SNTG2: variants seen among roughly 807,000 people sequenced by gnomAD.
SNTG2 encodes the protein gamma-2-syntrophin.
Under a neutral mutation model 70.9 loss-of-function variants are expected in SNTG2, and 74 were observed. The ratio of observed to expected loss-of-function variants is 1.04; its 90% confidence interval spans 0.86 to 1.27. SNTG2 has a LOEUF of 1.27. SNTG2 is among the 50% of genes most tolerant of loss of function. SNTG2 has a pLI of 0.00. For missense variants in SNTG2, 717 were observed against 690.7 expected, an observed-to-expected ratio of 1.04 and a Z score of -0.43; for synonymous variants, 278 against 273.8, an observed-to-expected ratio of 1.02 and a Z score of -0.15.
At chr2:1,302,429 A>G (rs1157962704) in intron 14 of SNTG2, among the ~76,000 whole-genome samples, 3 of 152,082 alleles carry the variant, frequency 2.0e-5, no homozygotes, top group Admixed American at 6.5e-5. Flanking sequence ...TCATGGAGGA[A>G]GGACCACTGT....
At chr2:1,248,873 CAG>C (rs1404166275) in intron 12 of SNTG2, among the ~76,000 whole-genome samples, 21 of 152,184 alleles carry the variant, frequency 1.4e-4, no homozygotes, top group Admixed American at 1.0e-3. Flanking sequence ...TTATGGAACT[CAG>C]GGATTCTTCA....
intron 14 of SNTG2, among the ~76,000 whole-genome samples, chr2:1,289,854 C>T (rs1178462439): frequency 6.6e-6 from 1 of 152,194 alleles, no homozygotes; most frequent in Non-Finnish European, 1.5e-5. Context: ...AATCTGAGGA[C>T]TGCAGATATT....
chr2:1,015,665 A>G (rs539902072), intron 1 of SNTG2, among the ~76,000 whole-genome samples: 1 of 152,352 alleles, frequency 6.6e-6, no homozygotes, highest in African/African-American at 2.4e-5. Flanking sequence ...AGGAGACTGA[A>G]AAATAAAACG....
At position 1,364,552 on chromosome 2, in the gene SNTG2, C is replaced by T. The variant is rs950692234; in HGVS notation, c.1489-2791C>T. Among the ~76,000 whole-genome samples, 3 of 150,806 alleles carry T rather than the reference C, an allele frequency of 2.0e-5. No individual in the cohort carries two copies. The East Asian group carries it at 6.0e-4, about 30-fold the overall frequency. ...CTGGCAGATCACGAGGTCAGGAAAT[C>T]GAGACCATCCTGGCTAACACATGAA... is the stretch of plus-strand genomic sequence containing the variant. On this transcript the variant is annotated intron_variant, in intron 16 of 16. Coordinates refer to ENST00000308624, the MANE Select transcript of SNTG2 (RefSeq NM_018968.4).
chr2:984,523 C>G (rs908292588), intron 1 of SNTG2, among the ~76,000 whole-genome samples: 1 of 152,130 alleles, frequency 6.6e-6, no homozygotes, highest in African/African-American at 2.4e-5. Flanking sequence ...CTACCCTCTC[C>G]CATCCCCTCT....
At chr2:1,048,322 C>T (rs1661859144) in intron 1 of SNTG2, among the ~76,000 whole-genome samples, 1 of 152,180 alleles carries the variant, frequency 6.6e-6, no homozygotes, top group Non-Finnish European at 1.5e-5. Context: ...GACATCCCGA[C>T]ATCCAGCACT....
intron 8 of SNTG2, among the ~76,000 whole-genome samples, chr2:1,176,906 G>C (rs1671514895): frequency 6.6e-6 from 1 of 152,200 alleles, no homozygotes; most frequent in Non-Finnish European, 1.5e-5. Flanking sequence ...TTCAACCATT[G>C]TGGAAGACGG....
chr2:1,075,815 A>T (rs537002972), intron 1 of SNTG2, among the ~76,000 whole-genome samples: 11 of 152,374 alleles, frequency 7.2e-5, no homozygotes, highest in African/African-American at 2.4e-4. Flanking sequence ...ATCCATAAAG[A>T]TAACCTGCCA....
At chr2:1,172,547 G>T (rs772352926) in intron 7 of SNTG2, among the ~76,000 whole-genome samples, 1 of 152,208 alleles carries the variant, frequency 6.6e-6, no homozygotes, top group Non-Finnish European at 1.5e-5. Context: ...GGAGCATGAA[G>T]ATCTATGAAC....
chr2:1,166,529 GC>G (rs1558481004), intron 7 of SNTG2, among the ~76,000 whole-genome samples: 1 of 152,166 alleles, frequency 6.6e-6, no homozygotes, highest in Non-Finnish European at 1.5e-5. Context: ...GCCCCGAGTG[GC>G]CCGGCTGTAG....
intron 14 of SNTG2, among the ~76,000 whole-genome samples, chr2:1,308,163 C>G (rs1572956615): frequency 6.6e-6 from 1 of 152,146 alleles, no homozygotes; most frequent in South Asian, 2.1e-4. Flanking sequence ...AAAGAAAATT[C>G]AGTGGTTTAC....
chr2:988,724 A>G (rs1382424882), intron 1 of SNTG2, among the ~76,000 whole-genome samples: 2 of 148,528 alleles, frequency 1.3e-5, no homozygotes, highest in Non-Finnish European at 3.0e-5. Flanking sequence ...TCGCAATTTT[A>G]TGGGATTTTT....
intron 16 of SNTG2, among the ~76,000 whole-genome samples, chr2:1,350,471 A>G (rs1268453294): frequency 1.3e-5 from 2 of 152,206 alleles, no homozygotes; most frequent in Admixed American, 6.5e-5. Context: ...ATGATTATCC[A>G]TTGTACTAAT....
chr2:1,255,861 T>TAAATATATAC (rs1678046799), intron 12 of SNTG2, among the ~76,000 whole-genome samples: 1 of 35,040 alleles, frequency 2.9e-5, no homozygotes, highest in Non-Finnish European at 4.7e-5. Context: ...TAAATATATA[T>TAAATATATAC]AAATATATAT....
intron 16 of SNTG2, among the ~76,000 whole-genome samples, chr2:1,346,803 T>A (rs1011611503): frequency 6.6e-6 from 1 of 151,840 alleles, no homozygotes; most frequent in Admixed American, 6.6e-5. Context: ...CCTGGAAAAG[T>A]GGGTATCTCC....
chr2:1,023,751 A>G (rs562714731), intron 1 of SNTG2, among the ~76,000 whole-genome samples: 3 of 152,264 alleles, frequency 2.0e-5, no homozygotes, highest in African/African-American at 7.2e-5. Context: ...AGACAGCCTT[A>G]GGCTCAATGT....
At chr2:1,120,868 A>G (rs1667333004) in intron 4 of SNTG2, among the ~76,000 whole-genome samples, 1 of 152,194 alleles carries the variant, frequency 6.6e-6, no homozygotes, top group African/African-American at 2.4e-5. Flanking sequence ...AATCAATAAG[A>G]AAATACAGGA....
intron 4 of SNTG2, among the ~76,000 whole-genome samples, chr2:1,119,552 G>GGTTT (rs1553332555): frequency 7.1e-6 from 1 of 140,506 alleles, no homozygotes; most frequent in Non-Finnish European, 1.5e-5. Flanking sequence ...TTAAAGGCTC[G>GGTTT]TTTTTTTTTT....
At chr2:1,333,910 G>A (rs1038348159) in intron 16 of SNTG2, among the ~76,000 whole-genome samples, 2 of 152,126 alleles carry the variant, frequency 1.3e-5, no homozygotes, top group Non-Finnish European at 2.9e-5. Flanking sequence ...GAACCCCAAA[G>A]CAAATGCAAC....
Sources: allele counts gnomAD v4.1 joint callset (sites outside exome capture counted in the v4.1 genomes callset), GRCh38; gene constraint gnomAD v4.1.1; transcripts MANE v1.5; gene names NCBI Gene and HGNC (gene_info 2026-07-23, HGNC 2026-07-21).